Variants in GRHL2 observed in about 807,000 individuals in gnomAD.
GRHL2 encodes the protein grainyhead like transcription factor 2.
A neutral mutation model predicts 83.8 loss-of-function variants in GRHL2; 21 were observed. The ratio of observed to expected loss-of-function variants is 0.25; its 90% CI spans 0.18 to 0.36. GRHL2 has a LOEUF of 0.36. Ranked by LOEUF, GRHL2 falls within the 10% of genes least tolerant of loss-of-function variation. The probability of loss-of-function intolerance (pLI) is 1.00; values close to 1 mark genes in which losing one functional copy is unlikely to be tolerated. For missense variants in GRHL2, 623 were observed against 781.8 expected (o/e 0.80, Z 2.42); for synonymous variants, 280 against 278.9 (o/e 1.00, Z -0.04).
chr8:101,671,138 G>C (rs1814199088), downstream of GRHL2, among the ~76,000 whole-genome samples: 1 of 152,196 alleles, frequency 6.6e-6, no homozygotes, highest in Non-Finnish European at 1.5e-5. Flanking sequence ...TGAGGTACCG[G>C]GTTCATCTCA....
In GRHL2 at chr8:101,666,828, T is replaced by A. The variant is rs1462458320; in HGVS notation, c.*125T>A. 2 of 723,246 alleles carry A rather than the reference T, an allele frequency of 2.8e-6. No individual in the cohort carries two copies. Among genetic ancestry groups the A allele is most frequent in the Non-Finnish European group, 5.1e-6 (2 of 395,344 alleles). 44.8% of individuals were successfully genotyped at this position (723,246 alleles called of 1,614,324 possible). On this transcript the variant is annotated 3_prime_UTR_variant, in exon 16 of 16. Transcript: ENST00000646743. ...TCTCACAACTGCTGTTACAAGACCGTGCTGGGGAGTGGGGCAAGGGACAGG... is the reference window on the plus strand; with the variant it reads ...TCTCACAACTGCTGTTACAAGACCGAGCTGGGGAGTGGGGCAAGGGACAGG...
At chr8:101,514,059 T>G (rs1810519849) in intron 1 of GRHL2, among the ~76,000 whole-genome samples, 1 of 152,178 alleles carries the variant, frequency 6.6e-6, no homozygotes, top group Non-Finnish European at 1.5e-5. Flanking sequence ...CTTATCTCAC[T>G]GGGTCTGTCT....
chr8:101,511,563 G>C (rs1010871347), intron 1 of GRHL2, among the ~76,000 whole-genome samples: 1 of 152,046 alleles, frequency 6.6e-6, no homozygotes, highest in Admixed American at 6.5e-5. Flanking sequence ...GGCCAAGCTG[G>C]TCTTGAACTC....
chr8:101,616,081 T>A (rs1586146592), intron 8 of GRHL2, among the ~76,000 whole-genome samples: 1 of 138,764 alleles, frequency 7.2e-6, no homozygotes, highest in African/African-American at 2.6e-5. Context: ...CCTCCCTCCC[T>A]CCCTTTCTCT....
the GRHL2 span, among the ~76,000 whole-genome samples, chr8:101,677,077 G>T: frequency 6.6e-6 from 1 of 151,992 alleles, no homozygotes; most frequent in Non-Finnish European, 1.5e-5. Flanking sequence ...GGGGTGAGGG[G>T]GGGATAGATA....
chr8:101,502,855 C>T lies in GRHL2; in HGVS notation c.20+10066C>T, dbSNP rs1399596999. ...TTCTCCTTCTTTTTTTTCTTTCTCC[C>T]CCTTCTCCCTTTCCCTATTACTCCT... On this transcript the variant is annotated intron_variant, in intron 1 of 15. Coordinates refer to ENST00000646743, the MANE Select transcript of GRHL2 (RefSeq NM_024915.4). 3.3e-5 allele frequency among the ~76,000 whole-genome samples: 5 copies of T among 151,550 alleles called. No homozygotes were observed. The South Asian group carries it at 1.0e-3, about 32-fold the overall frequency.
chr8:101,522,746 T>C (rs1422097205), intron 1 of GRHL2, among the ~76,000 whole-genome samples: 2 of 123,574 alleles, frequency 1.6e-5, no homozygotes, highest in Admixed American at 7.6e-5. Flanking sequence ...TACATATATA[T>C]ATATACACAC....
In GRHL2 at chr8:101,492,768, A is replaced by G. The variant is rs1318861487; in HGVS notation, c.-2A>G. The G allele has an allele frequency of 6.2e-7, 1 of 1,613,938 alleles. No individual in the cohort carries two copies. The highest frequency in any genetic ancestry group is 1.1e-5 in the South Asian group (1 of 91,078). Reference sequence around the variant, plus strand: ...AAGCGGAGCAAGTTCATTGGATCAAACATGTCACAAGAGTCGGACAAGTAA... The same window carrying G: ...AAGCGGAGCAAGTTCATTGGATCAAGCATGTCACAAGAGTCGGACAAGTAA... On this transcript the variant is annotated 5_prime_UTR_variant, in exon 1 of 16. Coordinates refer to ENST00000646743, the MANE Select transcript of GRHL2 (RefSeq NM_024915.4).
At chr8:101,609,135 A>C (rs1586141009) in intron 8 of GRHL2, among the ~76,000 whole-genome samples, 1 of 150,314 alleles carries the variant, frequency 6.7e-6, no homozygotes, top group African/African-American at 2.5e-5. Context: ...TACATTCTCC[A>C]TTTAGAAAAT....
chr8:101,500,802 C>T (rs1340713510), intron 1 of GRHL2, among the ~76,000 whole-genome samples: 1 of 152,032 alleles, frequency 6.6e-6, no homozygotes, highest in Non-Finnish European at 1.5e-5. Context: ...TGAACCACCA[C>T]GCCCGACCGA....
At position 101,644,245 on chromosome 8, in the gene GRHL2, A is replaced by G. The variant is rs1813463824; in HGVS notation, c.1612+20A>G. 1 of 1,593,832 alleles carries G rather than the reference A, an allele frequency of 6.3e-7. No homozygotes were observed. The highest frequency in any genetic ancestry group is 1.7e-5 in the Admixed American group (1 of 59,584). ...AGCGAGGTATCTCTCCTGCTGGGGC[A>G]TGCCCTCTCAGAAGGGATGCGGGGT... On this transcript the variant is annotated intron_variant, in intron 13 of 15. Coordinates refer to ENST00000646743, the MANE Select transcript of GRHL2 (RefSeq NM_024915.4).
chr8:101,543,518 TC>T, intron 2 of GRHL2, 82 bp downstream of exon 2: 1 of 1,343,800 alleles, frequency 7.4e-7, no homozygotes, highest in Non-Finnish European at 1.1e-6. Flanking sequence ...AGATTGTTTG[TC>T]CCAGGCCAGG....
intron 12 of GRHL2, among the ~76,000 whole-genome samples, chr8:101,639,676 C>G (rs958922877): frequency 8.5e-5 from 13 of 152,186 alleles, no homozygotes; most frequent in South Asian, 4.1e-4. Flanking sequence ...AAAGGCACAC[C>G]CTTGGTTCAT....
intron 11 of GRHL2, 169 bp from the exon 12 acceptor site, chr8:101,636,724 TACAC>T (rs3029438): frequency 0.025 from 12,262 of 481,156 alleles, 123 homozygotes; most frequent in African/African-American, 0.083. Flanking sequence ...TCCTTAGAAA[TACAC>T]ACACACACAC....
Position 101,570,336 on chromosome 8 carries a change from C to A in GRHL2, c.679-3C>A. The A allele has an allele frequency of 1.2e-6, 2 of 1,613,306 alleles. No homozygotes were observed. Among genetic ancestry groups the A allele is most frequent in the Non-Finnish European group, 1.7e-6 (2 of 1,179,350 alleles). On this transcript the variant is annotated splice_polypyrimidine_tract_variant and splice_region_variant and intron_variant, in intron 4 of 15. Coordinates refer to ENST00000646743, the MANE Select transcript of GRHL2 (RefSeq NM_024915.4). The stretch of plus-strand genomic sequence containing the variant: ...TTTAATTCCGATGACTCATATTTTG[C>A]AGAAATTTCGGAGTGCTTCAGTTGG...
At chr8:101,507,326 A>G (rs1176486191) in intron 1 of GRHL2, among the ~76,000 whole-genome samples, 1 of 152,204 alleles carries the variant, frequency 6.6e-6, no homozygotes, top group African/African-American at 2.4e-5. Context: ...CCTTTCACAT[A>G]TGGAAAGCTT....
chr8:101,652,598 G>GAT (rs1813693806), intron 14 of GRHL2, among the ~76,000 whole-genome samples: 1 of 87,620 alleles, frequency 1.1e-5, no homozygotes, highest in Non-Finnish European at 2.0e-5. Context: ...CTGTGTGTGT[G>GAT]TGGTGTGTGT....
intron 1 of GRHL2, among the ~76,000 whole-genome samples, chr8:101,496,814 A>G (rs1810115970): frequency 6.6e-6 from 1 of 152,148 alleles, no homozygotes; most frequent in Non-Finnish European, 1.5e-5. Flanking sequence ...AGAATGTTAC[A>G]GGCAGGTGGA....
At chr8:101,540,832 T>C (rs1811137658) in intron 1 of GRHL2, among the ~76,000 whole-genome samples, 1 of 152,210 alleles carries the variant, frequency 6.6e-6, no homozygotes, top group Admixed American at 6.5e-5. Flanking sequence ...TATTTCTATA[T>C]TTTTCATTTC....
Sources: gnomAD v4.1 joint callset for allele counts (sites outside exome capture counted in the v4.1 genomes callset) on GRCh38, gnomAD v4.1.1 for gene constraint, MANE v1.5 for transcripts, NCBI Gene and HGNC (gene_info 2026-07-23, HGNC 2026-07-21) for gene names.